GMDS: variants seen among roughly 807,000 people sequenced by gnomAD.
GMDS encodes GDP-mannose 4,6 dehydratase.
Under a neutral mutation model 49.9 loss-of-function variants are expected in GMDS, and 20 were observed. The observed-to-expected ratio is 0.40, with a 90% confidence interval of 0.28 to 0.58. The LOEUF is 0.58. Among genes scored for constraint, GMDS ranks in the 20% least tolerant of loss-of-function variants. The pLI, the probability that GMDS is intolerant of heterozygous loss-of-function variation, is 0.42. For missense variants in GMDS, 362 were observed against 481.4 expected, an observed-to-expected ratio of 0.75 and a Z score of 2.32; for synonymous variants, 177 against 178.6, an observed-to-expected ratio of 0.99 and a Z score of 0.07.
intron 7 of GMDS, among the ~76,000 whole-genome samples, chr6:1,812,900 C>CT (rs770038257): frequency 2.0e-5 from 3 of 152,058 alleles, no homozygotes; most frequent in African/African-American, 4.8e-5. Context: ...ATTGCTTTAT[C>CT]TTTTTTATTA....
chr6:2,096,433 A>T (rs1386600759), intron 4 of GMDS, among the ~76,000 whole-genome samples: 1 of 152,122 alleles, frequency 6.6e-6, no homozygotes, highest in Non-Finnish European at 1.5e-5. Flanking sequence ...AAACTTGAAC[A>T]CTGTTTAAGC....
Position 2,083,204 on chromosome 6 carries a change from CT to C in GMDS, c.345+32566del, listed in dbSNP as rs752578201. Reference sequence around the variant, plus strand: ...AATACAAGATTAGATACCTTTAACACTTTAGCACGATGTCGAGCACTTAGTA... The same window carrying C: ...AATACAAGATTAGATACCTTTAACACTTAGCACGATGTCGAGCACTTAGTA... On this transcript the variant is annotated intron_variant, in intron 4 of 10. Transcript: ENST00000380815. 3.9e-5 allele frequency among the ~76,000 whole-genome samples: 6 copies of C among 152,284 alleles called. No individual in the cohort carries two copies. In the South Asian group the frequency reaches 6.2e-4, roughly 16 times the overall value.
chr6:2,030,293 T>C (rs192205617), intron 4 of GMDS, among the ~76,000 whole-genome samples: 26 of 152,306 alleles, frequency 1.7e-4, no homozygotes, highest in Middle Eastern at 6.8e-3. Flanking sequence ...GGAACACCTG[T>C]GTCAAATTTG....
intron 7 of GMDS, among the ~76,000 whole-genome samples, chr6:1,866,271 A>T (rs1438748834): frequency 1.3e-5 from 2 of 152,258 alleles, no homozygotes; most frequent in African/African-American, 4.8e-5. Context: ...GCATGTGTGT[A>T]TATACATATA....
chr6:1,653,774 C>G (rs1763789224), intron 9 of GMDS, among the ~76,000 whole-genome samples: 1 of 152,176 alleles, frequency 6.6e-6, no homozygotes, highest in South Asian at 2.1e-4. Context: ...TGGACCCTTA[C>G]CTTACATCGT....
At chr6:1,915,019 A>G (rs1451403863) in intron 7 of GMDS, among the ~76,000 whole-genome samples, 1 of 152,226 alleles carries the variant, frequency 6.6e-6, no homozygotes, top group Non-Finnish European at 1.5e-5. Flanking sequence ...GGCTCCAGCT[A>G]CAGCAGGTGG....
chr6:2,238,080 C>G (rs565653502), intron 1 of GMDS, among the ~76,000 whole-genome samples: 1 of 152,032 alleles, frequency 6.6e-6, no homozygotes, highest in Non-Finnish European at 1.5e-5. Context: ...CCTCTGAGCA[C>G]TTTTAAGTCA....
At chr6:2,024,377 G>A (rs1016967474) in intron 4 of GMDS, among the ~76,000 whole-genome samples, 2 of 151,938 alleles carry the variant, frequency 1.3e-5, no homozygotes, top group Non-Finnish European at 2.9e-5. Context: ...TAAAGAAACT[G>A]GTGAACATAT....
chr6:2,214,524 C>T (rs1030359776), intron 1 of GMDS, among the ~76,000 whole-genome samples: 5 of 152,122 alleles, frequency 3.3e-5, no homozygotes, highest in African/African-American at 1.2e-4. Context: ...ATTTATCATA[C>T]ATAGCAGAAT....
In GMDS at chr6:1,655,378, A is replaced by G. The variant is rs113143039; in HGVS notation, c.988-30838T>C. Among the ~76,000 whole-genome samples, 166 of 152,122 alleles carry G rather than the reference A, an allele frequency of 1.1e-3. 1 individual carries two copies. The highest frequency in any genetic ancestry group is 3.9e-3 in the African/African-American group (162 of 41,490). ...CTAAGGCTACTCACTAAGCTATTTC[A>G]TATTGCACTGACATGTATATATTCT... is the stretch of plus-strand genomic sequence containing the variant. On this transcript the variant is annotated intron_variant, in intron 9 of 10. Coordinates refer to ENST00000380815, the MANE Select transcript of GMDS (RefSeq NM_001500.4).
intron 4 of GMDS, among the ~76,000 whole-genome samples, chr6:2,113,679 T>C (rs150146096): frequency 6.6e-6 from 1 of 151,980 alleles, no homozygotes; most frequent in Non-Finnish European, 1.5e-5. Context: ...CAGACGGAAG[T>C]TCTCTCTTAC....
chr6:1,852,190 A>T (rs1012694285), intron 7 of GMDS, among the ~76,000 whole-genome samples: 1 of 152,238 alleles, frequency 6.6e-6, no homozygotes, highest in Admixed American at 6.5e-5. Flanking sequence ...GTGCAGTAGC[A>T]GCAGATGAAA....
intron 7 of GMDS, among the ~76,000 whole-genome samples, chr6:1,860,936 C>G (rs1217484375): frequency 1.3e-5 from 2 of 152,176 alleles, no homozygotes; most frequent in Non-Finnish European, 2.9e-5. Context: ...TAGTCTTGCT[C>G]CACTAACTGC....
intron 1 of GMDS, among the ~76,000 whole-genome samples, chr6:2,243,201 C>T (rs1452283491): frequency 2.0e-5 from 3 of 152,174 alleles, no homozygotes; most frequent in Non-Finnish European, 4.4e-5. Context: ...CCAAAAAATT[C>T]CAGTCAGGGA....
At chr6:2,097,246 T>C (rs529278866) in intron 4 of GMDS, among the ~76,000 whole-genome samples, 1 of 152,320 alleles carries the variant, frequency 6.6e-6, no homozygotes, top group East Asian at 1.9e-4. Flanking sequence ...GATAATTGTA[T>C]ACACAAGCCC....
At chr6:1,863,135 T>G (rs943817603) in intron 7 of GMDS, among the ~76,000 whole-genome samples, 2 of 152,196 alleles carry the variant, frequency 1.3e-5, no homozygotes, top group African/African-American at 2.4e-5. Flanking sequence ...ATCTGTTGCA[T>G]CGATGGTTTT....
intron 4 of GMDS, among the ~76,000 whole-genome samples, chr6:2,098,477 T>A (rs183020544): frequency 1.5e-3 from 221 of 152,348 alleles, no homozygotes; most frequent in African/African-American, 5.2e-3. Flanking sequence ...ATCTAAGAAT[T>A]TGTACGTAGT....
chr6:2,225,099 C>T (rs973745208), intron 1 of GMDS, among the ~76,000 whole-genome samples: 2 of 151,418 alleles, frequency 1.3e-5, no homozygotes, highest in Non-Finnish European at 2.9e-5. Context: ...GTGGGTGGAT[C>T]GCTTGGGCCC....
chr6:1,652,409 TTATATATA>T (rs1763688813), intron 9 of GMDS, among the ~76,000 whole-genome samples: 1 of 1,836 alleles, frequency 5.4e-4, no homozygotes, highest in African/African-American at 1.1e-3. Context: ...TATATATATA[TTATATATA>T]ATATATATAT....
Sources: gnomAD v4.1 joint callset for allele counts (sites outside exome capture counted in the v4.1 genomes callset) on GRCh38, gnomAD v4.1.1 for gene constraint, MANE v1.5 for transcripts, NCBI Gene and HGNC (gene_info 2026-07-23, HGNC 2026-07-21) for gene names.